Variants in ZFTA observed in about 807,000 individuals in gnomAD.
The protein encoded by ZFTA is zinc finger translocation associated.
ZFTA carries 35 observed loss-of-function variants against 41.8 expected under a neutral mutation model. The observed-to-expected ratio is 0.84, with a 90% CI of 0.64 to 1.11. The LOEUF is 1.11. ZFTA is among the 50% of genes most tolerant of loss of function. ZFTA has a pLI of 0.00. For synonymous variants in ZFTA, 514 were observed against 436.4 expected (o/e 1.18, Z -2.22); for missense variants, 964 against 989.8 (o/e 0.97, Z 0.35).
chr11:63,765,955 G>A lies in ZFTA; in HGVS notation c.489C>T (p.Ile163=), dbSNP rs2014738577. Residue 163 remains isoleucine, a synonymous_variant, in exon 2 of 5, where the codon ATC becomes ATT. Coordinates refer to ENST00000433688, the MANE Select transcript of ZFTA (RefSeq NM_001144936.2). This position sits in a 1 kb window ranked among gnomAD's most constrained non-coding sequence, Gnocchi z 4.0. ...CCAGGTGTGCATCCCAGCTGTTGCT[G>A]ATGACTTCCTTCTCCCGGGGACTCC... ...LHWSPREKEV[I]SNSWDAHLGL... 2.6e-6 allele frequency: 4 copies of A among 1,551,658 alleles called. No individual in the cohort carries two copies. The highest frequency in any genetic ancestry group is 2.0e-5 in the Admixed American group (1 of 50,988).
chr11:63,768,472 C>A lies in ZFTA; in HGVS notation c.139+12G>T. 1 of 1,174,684 alleles carries A rather than the reference C, an allele frequency of 8.5e-7. No individual in the cohort carries two copies. The highest frequency in any genetic ancestry group is 1.1e-6 in the Non-Finnish European group (1 of 941,024). 72.8% of individuals were successfully genotyped at this position (1,174,684 alleles called of 1,614,324 possible). On this transcript the variant is annotated intron_variant, in intron 1 of 4. Transcript: ENST00000433688. ...CGGGGCCCCCGCCCGGGCCGCCGGC[C>A]CCAGCTCTTACCGCCTTCGTCTTCC...
At position 63,761,189 on chromosome 11, in the gene ZFTA, T is replaced by C. The variant is rs944619487; in HGVS notation, c.*2229A>G. On this transcript the variant is annotated 3_prime_UTR_variant, in exon 5 of 5. Transcript: ENST00000433688. ...CCGTTCTCAAGCTTTTAATACTGTC[T>C]CAAAAACCGTGGAGGTTCAAACTCA... 1 of 152,166 alleles carries C rather than the reference T, an allele frequency of 6.6e-6. No homozygotes were observed. The highest frequency in any genetic ancestry group is 2.1e-4 in the South Asian group (1 of 4,834). The allele number at this position is 152,166 out of a possible 1,614,324, so 9.4% of individuals were successfully genotyped here.
At position 63,760,840 on chromosome 11, in the gene ZFTA, A is replaced by C. The variant is rs1057486381; in HGVS notation, c.*2578T>G. The C allele has an allele frequency of 1.3e-5, 2 of 152,152 alleles. No individual in the cohort carries two copies. The highest frequency in any genetic ancestry group is 1.5e-5 in the Non-Finnish European group (1 of 68,042). The allele number at this position is 152,152 out of a possible 1,614,324, so 9.4% of individuals were successfully genotyped here. On this transcript the variant is annotated 3_prime_UTR_variant, in exon 5 of 5. Coordinates refer to ENST00000433688, the MANE Select transcript of ZFTA (RefSeq NM_001144936.2). ...CCTGGGGTATGGCCCAAGAATTTTT[A>C]TTTCTAGCAGATTCCTAAGGTGATG...
chr11:63,764,730 AG>A, intron 3 of ZFTA, 132 bp from the exon 4 acceptor site: 6 of 1,346,544 alleles, frequency 4.5e-6, no homozygotes, highest in Non-Finnish European at 5.7e-6. Flanking sequence ...GTCTGGGGGC[AG>A]GGGGAAAGTA....
chr11:63,764,992 G>A lies in ZFTA; in HGVS notation c.900C>T (p.Ile300=), dbSNP rs80244664. 0.016 allele frequency: 24,693 copies of A among 1,548,880 alleles called. 265 individuals are homozygous for A. The highest frequency in any genetic ancestry group is 0.018 in the Non-Finnish European group (20,086 of 1,146,558). ...GGTGCACCTCCAGCACGTGGGCACG[G>A]ATGTCGTCCAGGTGCAGGCTGGGCA... is the stretch of plus-strand genomic sequence containing the variant. The part of the protein sequence containing the change: ...RALPSLHLDD[I]RAHVLEVHPG... Residue 300 remains isoleucine (I), a synonymous_variant, in exon 3 of 5, where the codon ATC becomes ATT. Transcript: ENST00000433688.
rs1488317954 is a variant in ZFTA, at chr11:63,768,561, G to A, written c.62C>T (p.Ala21Val). ...SSGGRGGPGPAVASARGRRLP... is the reference protein window; with the variant it reads ...SSGGRGGPGPVVASARGRRLP... ...CCGTCGGCCCCGTGCCGAGGCCACT[G>A]CTGGCCCGGGGCCGCCCCTGCCGCC... is the stretch of plus-strand genomic sequence containing the variant. The change falls in exon 1 of 5, where the codon GCA becomes GTA. Residue 21 changes from alanine (A) to valine (V), a missense_variant. Around this residue, in one of 5 missense-constraint regions of ZFTA, gnomAD observed 111 missense variants for 93.2 expected, o/e 1.19. Coordinates refer to ENST00000433688, the MANE Select transcript of ZFTA (RefSeq NM_001144936.2). 2 of 1,094,274 alleles carry A rather than the reference G, an allele frequency of 1.8e-6. No homozygotes were observed. Among genetic ancestry groups the A allele is most frequent in the African/African-American group, 1.7e-5 (1 of 58,292 alleles). The allele number at this position is 1,094,274 out of a possible 1,614,324, so 67.8% of individuals were successfully genotyped here. A position where few individuals can be genotyped will look rare whatever the true frequency, so the allele number is the denominator to read the frequency against.
Position 63,763,752 on chromosome 11 carries a change from G to T in ZFTA, c.1703C>A (p.Pro568His). 6.8e-7 allele frequency: 1 copy of T among 1,475,716 alleles called. No homozygotes were observed. The highest frequency in any genetic ancestry group is 9.0e-7 in the Non-Finnish European group (1 of 1,113,896). 91.4% of individuals were successfully genotyped at this position (1,475,716 alleles called of 1,614,324 possible). A position where few individuals can be genotyped will look rare whatever the true frequency, so the allele number is the denominator to read the frequency against. Residue 568 changes from proline (P) to histidine (H), a missense_variant, in exon 5 of 5, where the codon CCT becomes CAT. Coordinates refer to ENST00000433688, the MANE Select transcript of ZFTA (RefSeq NM_001144936.2). ...CTCCCGGCTGCGGGGCGGGGGCGGAGGCGGGGGAGGAGGCGGCGGCGGCAA... is the reference window on the plus strand; with the variant it reads ...CTCCCGGCTGCGGGGCGGGGGCGGATGCGGGGGAGGAGGCGGCGGCGGCAA... ...LALPPPPPPP[P>H]PPPPRSREQR...
Position 63,761,226 on chromosome 11 carries a change from C to G in ZFTA, c.*2192G>C, listed in dbSNP as rs904626754. On this transcript the variant is annotated 3_prime_UTR_variant, in exon 5 of 5. Transcript: ENST00000433688. Reference sequence around the variant, plus strand: ...GAGGTTCAAACTCACTGGGAATTTACTTTTCAGTCAATTGACAACCCATTC... The same window carrying G: ...GAGGTTCAAACTCACTGGGAATTTAGTTTTCAGTCAATTGACAACCCATTC... 1.3e-5 allele frequency: 2 copies of G among 152,230 alleles called. No homozygotes were observed. Among genetic ancestry groups the G allele is most frequent in the East Asian group, 3.8e-4 (2 of 5,198 alleles). The allele number at this position is 152,230 out of a possible 1,614,324, so 9.4% of individuals were successfully genotyped here. A position where few individuals can be genotyped will look rare whatever the true frequency, so the allele number is the denominator to read the frequency against.
chr11:63,764,982 C>T lies in ZFTA; in HGVS notation c.910G>A (p.Val304Met), dbSNP rs1249556436. ...AGGGAGCCAGGGTGCACCTCCAGCA[C>T]GTGGGCACGGATGTCGTCCAGGTGC... ...SLHLDDIRAH[V>M]LEVHPGSLGL... Residue 304 changes from valine (V) to methionine (M), a missense_variant, in exon 3 of 5, where the codon GTG becomes ATG. Physicochemically the swap from Val to Met is conservative, Grantham distance 21. Transcript: ENST00000433688. 13 of 1,548,830 alleles carry T rather than the reference C, an allele frequency of 8.4e-6. No individual in the cohort carries two copies. The Middle Eastern group carries it at 5.5e-4, about 65-fold the overall frequency.
At chr11:63,764,646 T>A in intron 3 of ZFTA, 48 bp from the exon 4 acceptor site, 3 of 1,264,008 alleles carry the variant, frequency 2.4e-6, no homozygotes, top group Non-Finnish European at 3.0e-6. Context: ...CTGGCTGGGT[T>A]GCCCTTGCCC....
chr11:63,760,021 A>G lies in ZFTA; in HGVS notation c.*3397T>C, dbSNP rs181433357. On this transcript the variant is annotated 3_prime_UTR_variant, in exon 5 of 5. Transcript: ENST00000433688. ...CTTTAAAAAGTGACTAATAGTTGGT[A>G]CTCGTAAGGATTCCCAAGACTGCAG... is the stretch of plus-strand genomic sequence containing the variant. The G allele has an allele frequency of 4.4e-4, 67 of 152,268 alleles. 1 individual carries two copies. The highest frequency in any genetic ancestry group is 2.7e-3 in the Admixed American group (41 of 15,286). The allele number at this position is 152,268 out of a possible 1,614,324, so 9.4% of individuals were successfully genotyped here.
At position 63,763,408 on chromosome 11, in the gene ZFTA, C is replaced by A. The variant is rs1041274329; in HGVS notation, c.*10G>T. 30 of 1,292,452 alleles carry A rather than the reference C, an allele frequency of 2.3e-5. No individual in the cohort carries two copies. In the African/African-American group the frequency reaches 4.1e-4, roughly 18 times the overall value. 80.1% of individuals were successfully genotyped at this position (1,292,452 alleles called of 1,614,324 possible). ...CCCGACCCGACCTGACCCGGGGGCC[C>A]GCTAGGCCGCTACGCCCGACACACA... On this transcript the variant is annotated 3_prime_UTR_variant, in exon 5 of 5. Coordinates refer to ENST00000433688, the MANE Select transcript of ZFTA (RefSeq NM_001144936.2).
intron 1 of ZFTA, among the ~76,000 whole-genome samples, chr11:63,767,884 A>G (rs1440098622): frequency 6.6e-6 from 1 of 152,224 alleles, no homozygotes; most frequent in Non-Finnish European, 1.5e-5. Flanking sequence ...GGGCGAACCC[A>G]TCGCTTTAAA....
rs2014789091 is a variant in ZFTA at position 63,768,678 on chromosome 11, G to GGGGCCGT, written c.-57_-56insACGGCCC. 1 of 864,196 alleles carries GGGGCCGT rather than the reference G, an allele frequency of 1.2e-6. No homozygotes were observed. Among genetic ancestry groups the GGGGCCGT allele is most frequent in the Non-Finnish European group, 1.4e-6 (1 of 723,416 alleles). The allele number at this position is 864,196 out of a possible 1,614,324, so 53.5% of individuals were successfully genotyped here. A position where few individuals can be genotyped will look rare whatever the true frequency, so the allele number is the denominator to read the frequency against. On this transcript the variant is annotated 5_prime_UTR_variant, in exon 1 of 5. Transcript: ENST00000433688. ...GGCGGGGCGCGGGGCCGCGGGGCCG[G>GGGGCCGT]CGGCAGCCCGCGCGGAGCGCTCGCT...
At position 63,764,183 on chromosome 11, in the gene ZFTA, C is replaced by G; in HGVS notation, c.1440G>C (p.Trp480Cys). 2 of 1,383,630 alleles carry G rather than the reference C, an allele frequency of 1.4e-6. No homozygotes were observed. Among genetic ancestry groups the G allele is most frequent in the Admixed American group, 3.7e-5 (1 of 27,126 alleles). The allele number at this position is 1,383,630 out of a possible 1,614,324, so 85.7% of individuals were successfully genotyped here. A position where few individuals can be genotyped will look rare whatever the true frequency, so the allele number is the denominator to read the frequency against. ...GPVQALIARE[W>C]SEKAAHLLAL... The stretch of plus-strand genomic sequence containing the variant: ...CCAGCAGGTGGGCGGCCTTCTCGCT[C>G]CACTCCCGGGCGATGAGGGCCTGGA... Residue 480 changes from tryptophan (W) to cysteine (C), a missense_variant, in exon 4 of 5, where the codon TGG becomes TGC. Trp to Cys is a radical substitution (Grantham distance 215). This residue lies in a region of ZFTA where 584 missense variants were observed against 523.1 expected (regional missense o/e 1.12). Coordinates refer to ENST00000433688, the MANE Select transcript of ZFTA (RefSeq NM_001144936.2).
chr11:63,767,408 G>C (rs749890333), intron 1 of ZFTA: 1 of 152,232 alleles, frequency 6.6e-6, no homozygotes, highest in Non-Finnish European at 1.5e-5. Context: ...TCATAGGCCT[G>C]GGTTCAAGTC....
chr11:63,768,451 G>C (rs1590912298), intron 1 of ZFTA, 33 bp downstream of exon 1: 1 of 1,097,452 alleles, frequency 9.1e-7, no homozygotes, highest in Non-Finnish European at 1.1e-6. Flanking sequence ...CCACGCCGGG[G>C]CCCCCGCCCG....
rs532156360 is a variant in ZFTA, at chr11:63,765,180, G to A, written c.712C>T (p.Arg238Cys). Residue 238 changes from arginine (R) to cysteine (C), a missense_variant, in exon 3 of 5, where the codon CGC (arginine) becomes TGC (cysteine). Arg to Cys is a radical substitution (Grantham distance 180). Around this residue, in one of 5 missense-constraint regions of ZFTA, gnomAD observed 584 missense variants for 523.1 expected, o/e 1.12. Coordinates refer to ENST00000433688, the MANE Select transcript of ZFTA (RefSeq NM_001144936.2). This position sits in a 1 kb window ranked among gnomAD's most constrained non-coding sequence, Gnocchi z 4.0. ...GPVAPRARRLRLSASRRAGGS... is the reference protein window; with the variant it reads ...GPVAPRARRLCLSASRRAGGS... ...CCGGCCCTCCGGGAGGCTGAGAGGC[G>A]CAGACGCCGAGCCCGGGGTGCCACT... The A allele has an allele frequency of 5.4e-5, 83 of 1,530,856 alleles. No individual in the cohort carries two copies. The East Asian group carries it at 1.9e-3, about 34-fold the overall frequency. 94.8% of individuals were successfully genotyped at this position (1,530,856 alleles called of 1,614,324 possible). A position where few individuals can be genotyped will look rare whatever the true frequency, so the allele number is the denominator to read the frequency against.
In ZFTA at chr11:63,768,731, T is replaced by C. The variant is rs918225743; in HGVS notation, c.-109A>G. 1 of 356,732 alleles carries C rather than the reference T, an allele frequency of 2.8e-6. No individual in the cohort carries two copies. The highest frequency in any genetic ancestry group is 3.9e-6 in the Non-Finnish European group (1 of 259,092). 22.1% of individuals were successfully genotyped at this position (356,732 alleles called of 1,614,324 possible). On this transcript the variant is annotated 5_prime_UTR_variant, in exon 1 of 5. It removes an upstream start codon present in the reference 5' UTR. Coordinates refer to ENST00000433688, the MANE Select transcript of ZFTA (RefSeq NM_001144936.2). ...GCGGGGCCCCGGGGCGCGGGGCGCA[T>C]GCACGGGGCGGCCGGCCGCACGGAC...
Sources: gnomAD v4.1 joint callset for allele counts (sites outside exome capture counted in the v4.1 genomes callset) on GRCh38, gnomAD v4.1.1 for gene constraint, gnomAD v4.1.1 regional missense constraint, Gnocchi (gnomAD v3.1) non-coding constraint, MANE v1.5 for transcripts, NCBI Gene and HGNC (gene_info 2026-07-23, HGNC 2026-07-21) for gene names.